Variants in ZNF254 observed in about 807,000 individuals in gnomAD.
The protein encoded by ZNF254 is zinc finger protein 254.
In ZNF254, 10 loss-of-function variants were observed where a neutral mutation model predicts 12.4. That is an observed-to-expected ratio of 0.80 (90% CI 0.50 to 1.36). The LOEUF (loss-of-function observed/expected upper bound fraction) is 1.36. Ranked by LOEUF, ZNF254 falls within the 40% of genes most tolerant of loss-of-function variation. The pLI is 0.00. For synonymous variants in ZNF254, 305 were observed against 253.4 expected (o/e 1.20, Z -1.93); for missense variants, 996 against 763.9 (o/e 1.30, Z -3.58).
chr19:24,049,195 TATATATATATATATATATA>T (rs1030547956), intron 2 of ZNF254, among the ~76,000 whole-genome samples: 6 of 62,734 alleles, frequency 9.6e-5, no homozygotes, highest in African/African-American at 4.3e-4. Flanking sequence ...TATATATATA[TATATATATATATATATATA>T]TTTTTTTTTT....
At chr19:24,068,146 C>T (rs1402628286) in intron 2 of ZNF254, among the ~76,000 whole-genome samples, 1 of 152,222 alleles carries the variant, frequency 6.6e-6, no homozygotes, top group African/African-American at 2.4e-5. Flanking sequence ...CTCTCCTCAC[C>T]TACATGCACC....
At position 24,059,666 on chromosome 19, in the gene ZNF254, ACT is replaced by A. The variant is rs1970997149; in HGVS notation, c.-94+13391_-94+13392del. Among the ~76,000 whole-genome samples, 6 of 152,146 alleles carry A rather than the reference ACT, an allele frequency of 3.9e-5. No individual in the cohort carries two copies. The South Asian group carries it at 1.2e-3, about 32-fold the overall frequency. ...CTGGGGCCACAACCTAGGTGATGTA[ACT>A]CTCCTGCATGGGCTTTGCCTACAGG... On this transcript the variant is annotated intron_variant, in intron 2 of 4. Coordinates refer to the ZNF254 transcript ENST00000613065.
At chr19:24,071,738 G>A (rs1401004583) in intron 2 of ZNF254, among the ~76,000 whole-genome samples, 1 of 152,118 alleles carries the variant, frequency 6.6e-6, no homozygotes, top group African/African-American at 2.4e-5. Flanking sequence ...CCCAAGGAGG[G>A]ATTGTGATGT....
chr19:24,042,523 C>T (rs1055518783), intron 1 of ZNF254, among the ~76,000 whole-genome samples: 5 of 152,186 alleles, frequency 3.3e-5, no homozygotes, highest in Admixed American at 2.6e-4. Flanking sequence ...TGCAGCTTCA[C>T]TCCTGAAGCC....
rs1444800061 is a variant in ZNF254 at position 24,127,356 on chromosome 19, T to C, written c.1356T>C (p.His452=). ...AFIWSSTLTK[H]KRIHTREKPY... ...TCTGGTCCTCAACCCTTACTAAACA[T>C]AAGAGAATTCATACTAGAGAGAAAC... The change falls in exon 4 of 4, where the codon CAT becomes CAC. Residue 452 remains histidine, a synonymous_variant. Transcript: ENST00000357002. The C allele has an allele frequency of 6.2e-7, 1 of 1,613,498 alleles. No homozygotes were observed. The highest frequency in any genetic ancestry group is 8.5e-7 in the Non-Finnish European group (1 of 1,179,784).
chr19:24,064,176 C>T (rs1971183501), intron 2 of ZNF254, among the ~76,000 whole-genome samples: 1 of 152,054 alleles, frequency 6.6e-6, no homozygotes. Context: ...GACATAGCTC[C>T]TATGTGATGT....
chr19:24,087,488 C>T lies in ZNF254; in HGVS notation c.30+151C>T, dbSNP rs996920167. 1.8e-5 allele frequency: 18 copies of T among 1,000,648 alleles called. No homozygotes were observed. In the African/African-American group the frequency reaches 2.4e-4, roughly 13 times the overall value. 62.0% of individuals were successfully genotyped at this position (1,000,648 alleles called of 1,614,324 possible). On this transcript the variant is annotated intron_variant, in intron 1 of 3. Coordinates refer to ENST00000357002, the MANE Select transcript of ZNF254 (RefSeq NM_203282.4). ...GTCCCCTTCAGAAATAAGATGGCGG[C>T]TGCGCTGACAGCCAGACCCCCAGGA...
chr19:24,124,390 G>A (rs917062538), intron 3 of ZNF254, among the ~76,000 whole-genome samples: 1 of 152,018 alleles, frequency 6.6e-6, no homozygotes, highest in African/African-American at 2.4e-5. Context: ...CACCACTAGG[G>A]TAATGCTAAG....
chr19:24,120,908 C>T (rs957943871), intron 3 of ZNF254, among the ~76,000 whole-genome samples: 24 of 151,874 alleles, frequency 1.6e-4, no homozygotes, highest in African/African-American at 5.6e-4. Context: ...CCTGACCTCC[C>T]GTTTCTTTTT....
chr19:24,106,473 C>T (rs1184326960), intron 2 of ZNF254, 75 bp from the exon 3 acceptor site: 3 of 1,191,726 alleles, frequency 2.5e-6, no homozygotes, highest in Admixed American at 3.8e-5. Context: ...ATTATATCCT[C>T]CTTACTGAGC....
At chr19:24,113,776 C>G (rs529087972) in intron 3 of ZNF254, among the ~76,000 whole-genome samples, 2 of 152,074 alleles carry the variant, frequency 1.3e-5, no homozygotes, top group Non-Finnish European at 2.9e-5. Context: ...GATTGTATAC[C>G]TAGAAAACCC....
At chr19:24,126,173 A>G (rs1328997411) in intron 3 of ZNF254, 81 bp from the exon 4 acceptor site, 15 of 992,530 alleles carry the variant, frequency 1.5e-5, no homozygotes. Flanking sequence ...AGTTTGTATA[A>G]TTTTATAGGT....
chr19:24,129,968 A>T lies in ZNF254; in HGVS notation c.*1988A>T, dbSNP rs1423959630. The T allele has an allele frequency of 5.3e-5, 8 of 152,306 alleles. No individual in the cohort carries two copies. The highest frequency in any genetic ancestry group is 2.6e-4 in the Admixed American group (4 of 15,302). 9.4% of individuals were successfully genotyped at this position (152,306 alleles called of 1,614,324 possible). A position where few individuals can be genotyped will look rare whatever the true frequency, so the allele number is the denominator to read the frequency against. ...AAAGATAAACCTTAGGTGTAAATAA[A>T]TTATGGAGTAAGTATGTTTGTGTGA... On this transcript the variant is annotated 3_prime_UTR_variant, in exon 4 of 4. Coordinates refer to ENST00000357002, the MANE Select transcript of ZNF254 (RefSeq NM_203282.4).
At chr19:24,114,021 TA>T (rs1255347777) in intron 3 of ZNF254, among the ~76,000 whole-genome samples, 1 of 151,498 alleles carries the variant, frequency 6.6e-6, no homozygotes, top group African/African-American at 2.4e-5. Context: ...CTCAATGAAA[TA>T]AAAGAGGATA....
chr19:24,040,181 C>T (rs1363759653), intron 1 of ZNF254, among the ~76,000 whole-genome samples: 3 of 152,166 alleles, frequency 2.0e-5, no homozygotes, highest in Non-Finnish European at 4.4e-5. Flanking sequence ...AATCTCCCCT[C>T]ACAGAACTAA....
At chr19:24,115,599 C>T (rs959800159) in intron 3 of ZNF254, among the ~76,000 whole-genome samples, 26 of 151,830 alleles carry the variant, frequency 1.7e-4, no homozygotes, top group African/African-American at 6.1e-4. Flanking sequence ...GGGTGCAGCA[C>T]ACCAGCATGG....
rs749151212 is a variant in ZNF254 at position 24,126,417 on chromosome 19, T to C, written c.417T>C (p.Tyr139=). ...VDEYKVNKEG[Y]NGLNQCFTTA... is the part of the protein sequence containing the mutation. ...AGTATAAGGTGAACAAAGAAGGTTA[T>C]AATGGACTTAACCAGTGTTTCACAA... Residue 139 remains tyrosine, a synonymous_variant, in exon 4 of 4, where the codon TAT becomes TAC. Coordinates refer to ENST00000357002, the MANE Select transcript of ZNF254 (RefSeq NM_203282.4). 1.1e-5 allele frequency: 18 copies of C among 1,603,562 alleles called. No homozygotes were observed. The highest frequency in any genetic ancestry group is 3.4e-5 in the South Asian group (3 of 88,628).
chr19:24,055,232 A>AAAAAAAAAAAAAAAAATAG (rs1555753129), intron 2 of ZNF254, among the ~76,000 whole-genome samples: 1 of 122,542 alleles, frequency 8.2e-6, no homozygotes, highest in Non-Finnish European at 1.8e-5. Context: ...AAAAAAAAAA[A>AAAAAAAAAAAAAAAAATAG]GAGTGTACTA....
chr19:24,063,958 C>G (rs1971175958), intron 2 of ZNF254: 1 of 152,120 alleles, frequency 6.6e-6, no homozygotes, highest in Non-Finnish European at 1.5e-5. Flanking sequence ...GCCCGTTTTA[C>G]CTATGTGATG....
Sources: allele counts gnomAD v4.1 joint callset (sites outside exome capture counted in the v4.1 genomes callset), GRCh38; gene constraint gnomAD v4.1.1; transcripts MANE v1.5; gene names NCBI Gene and HGNC (gene_info 2026-07-23, HGNC 2026-07-21).